LINC00632: variants seen among roughly 807,000 people sequenced by gnomAD.
LINC00632 encodes ALDOA related specific transcript.
In LINC00632 at chrX:140,784,023, A is replaced by G. The variant is rs771834042; in HGVS notation, n.12042A>G. 1.2e-5 allele frequency: 15 copies of G among 1,210,832 alleles called. 1 individual carries two copies. In the East Asian group the frequency reaches 4.4e-4, roughly 36 times the overall value. Reference sequence around the variant, plus strand: ...AAAATCCTTGTCTTCCCTTAAATCTATAGCTTCCAAAAAATCCGGGTCTTC... The same window carrying G: ...AAAATCCTTGTCTTCCCTTAAATCTGTAGCTTCCAAAAAATCCGGGTCTTC... On this transcript the variant is annotated non_coding_transcript_exon_variant, in exon 5 of 5. Transcript: ENST00000648200.
intron 3 of LINC00632, among the ~76,000 whole-genome samples, chrX:140,747,234 A>G (rs1190972631): frequency 8.9e-6 from 1 of 111,999 alleles, no homozygotes; most frequent in Non-Finnish European, 1.9e-5. Context: ...TGATGAATAA[A>G]GAATTACATC....
At chrX:140,715,742 G>A (rs886965931) in intron 2 of LINC00632, among the ~76,000 whole-genome samples, 6 of 112,126 alleles carry the variant, frequency 5.4e-5, no homozygotes, top group Non-Finnish European at 1.1e-4. Flanking sequence ...CACATAGACC[G>A]TTTTCACTGC....
chrX:140,729,621 C>A (rs895029100), intron 2 of LINC00632, among the ~76,000 whole-genome samples: 30 of 110,833 alleles, frequency 2.7e-4, no homozygotes, highest in African/African-American at 8.9e-4. Context: ...ACTACCCGAG[C>A]ACTGCATATA....
chrX:140,726,642 GA>G (rs1569349430), intron 2 of LINC00632, among the ~76,000 whole-genome samples: 1 of 110,833 alleles, frequency 9.0e-6, no homozygotes, highest in African/African-American at 3.3e-5. Context: ...ATAACATCAC[GA>G]GCTCTTCCTA....
chrX:140,715,215 G>A (rs771772878), intron 2 of LINC00632, among the ~76,000 whole-genome samples: 1 of 111,605 alleles, frequency 9.0e-6, no homozygotes, highest in Admixed American at 9.6e-5. Context: ...AACCCACAGC[G>A]TACAAACACA....
Position 140,724,998 on chromosome X carries a change from CCA to C in LINC00632, n.105-8869_105-8868del, listed in dbSNP as rs1252363400. Among the ~76,000 whole-genome samples the C allele has an allele frequency of 1.7e-3, 100 of 57,670 alleles. 1 individual carries two copies. Among genetic ancestry groups the C allele is most frequent in the Admixed American group, 4.9e-3 (24 of 4,872 alleles). 50.1% of individuals were successfully genotyped at this position (57,670 alleles called of 115,157 possible). ...TCCATTACACACACTCAGACACATT[CCA>C]CACACACACATTCATACACACACAC... On this transcript the variant is annotated intron_variant and non_coding_transcript_variant, in intron 2 of 4. Transcript: ENST00000648200.
intron 2 of LINC00632, chrX:140,712,335 T>C (rs1365952628): frequency 9.3e-6 from 1 of 107,870 alleles, no homozygotes; most frequent in Non-Finnish European, 1.9e-5. Flanking sequence ...CTATTCCTCT[T>C]AGGCGCACCT....
At chrX:140,751,709 G>A (rs2148393253) in intron 3 of LINC00632, among the ~76,000 whole-genome samples, 1 of 111,472 alleles carries the variant, frequency 9.0e-6, no homozygotes, top group African/African-American at 3.3e-5. Context: ...GGCATATTTT[G>A]CTTTTCAAAT....
At chrX:140,779,797 G>T (rs1367308077) in exon 5 of LINC00632, among the ~76,000 whole-genome samples, 1 of 111,911 alleles carries the variant, frequency 8.9e-6, no homozygotes, top group East Asian at 2.8e-4. Flanking sequence ...ACCTAGAATT[G>T]GTTCTTGACT....
intron 2 of LINC00632, among the ~76,000 whole-genome samples, chrX:140,724,397 A>G (rs908462580): frequency 4.6e-4 from 51 of 110,864 alleles, no homozygotes; most frequent in Non-Finnish European, 3.6e-4. Flanking sequence ...ACACACACAA[A>G]CACATTCCAT....
chrX:140,760,470 A>G (rs1931579501), intron 3 of LINC00632, among the ~76,000 whole-genome samples: 1 of 111,723 alleles, frequency 9.0e-6, no homozygotes, highest in Admixed American at 9.6e-5. Context: ...GTGGTAAAAC[A>G]GAAGAAATAG....
chrX:140,776,648 G>T (rs1035735000), exon 5 of LINC00632, among the ~76,000 whole-genome samples: 2 of 112,097 alleles, frequency 1.8e-5, no homozygotes, highest in Non-Finnish European at 1.9e-5. Context: ...AAGGATAGAT[G>T]CCGGAGAGGA....
chrX:140,716,184 CAACAACAG>C (rs1930624845), intron 2 of LINC00632: 1 of 111,989 alleles, frequency 8.9e-6, no homozygotes, highest in Non-Finnish European at 1.9e-5. Context: ...CTCTGGCCTA[CAACAACAG>C]AAATACAGCT....
At chrX:140,764,369 G>A (rs1236094477) in intron 3 of LINC00632, among the ~76,000 whole-genome samples, 1 of 98,482 alleles carries the variant, frequency 1.0e-5, no homozygotes, top group Non-Finnish European at 2.1e-5. Flanking sequence ...GGCGGGGGTG[G>A]GGGTGGGGGT....
Position 140,763,166 on chromosome X carries a change from C to T in LINC00632, n.192-8912C>T, listed in dbSNP as rs373580382. On this transcript the variant is annotated intron_variant and non_coding_transcript_variant, in intron 3 of 4. Transcript: ENST00000648200. ...ATCCCAGCATTTTGGGAGGCCAAGG[C>T]GGGCAGATCACCTGAGGTCAGGAGT... Among the ~76,000 whole-genome samples the T allele has an allele frequency of 2.9e-4, 32 of 111,589 alleles. 1 individual carries two copies. In the East Asian group the frequency reaches 6.8e-3, roughly 24 times the overall value.
chrX:140,756,211 T>A (rs1383009261), intron 3 of LINC00632, among the ~76,000 whole-genome samples: 4 of 112,136 alleles, frequency 3.6e-5, no homozygotes, highest in South Asian at 7.3e-4. Flanking sequence ...AAATCACTGT[T>A]TGTTTTTTAG....
In LINC00632 at chrX:140,713,599, C is replaced by T. The variant is rs757295156; in HGVS notation, n.104+1943C>T. Reference sequence around the variant, plus strand: ...TTTAATGCACACACTGACCAGATAACACAAACACATTTACCCCCACAGCAC... The same window carrying T: ...TTTAATGCACACACTGACCAGATAATACAAACACATTTACCCCCACAGCAC... On this transcript the variant is annotated intron_variant and non_coding_transcript_variant, in intron 2 of 4. Coordinates refer to ENST00000648200, the Ensembl canonical transcript of LINC00632. 9 of 340,609 alleles carry T rather than the reference C, an allele frequency of 2.6e-5. No individual in the cohort carries two copies. In the East Asian group the frequency reaches 8.8e-4, roughly 33 times the overall value. The allele number at this position is 340,609 out of a possible 1,213,427, so 28.1% of individuals were successfully genotyped here. A position where few individuals can be genotyped will look rare whatever the true frequency, so the allele number is the denominator to read the frequency against.
In LINC00632 at chrX:140,772,799, G is replaced by A. The variant is rs183153733; in HGVS notation, n.913G>A. 1.9e-4 allele frequency: 22 copies of A among 113,440 alleles called. No individual in the cohort carries two copies. In the East Asian group the frequency reaches 5.6e-3, roughly 29 times the overall value. The allele number at this position is 113,440 out of a possible 1,213,427, so 9.3% of individuals were successfully genotyped here. On this transcript the variant is annotated non_coding_transcript_exon_variant, in exon 4 of 5. Transcript: ENST00000648200. The stretch of plus-strand genomic sequence containing the variant: ...ACTTGTGGCTTCTAAAACAGAGAAG[G>A]TTGAATAGGTCTCTTTCTGTGTGTA...
At chrX:140,767,702 G>A (rs1931714987) in intron 3 of LINC00632, among the ~76,000 whole-genome samples, 1 of 111,908 alleles carries the variant, frequency 8.9e-6, no homozygotes, top group South Asian at 3.7e-4. Flanking sequence ...GAACCAATGG[G>A]ATAGCTAGCT....
Sources: allele counts gnomAD v4.1 joint callset (sites outside exome capture counted in the v4.1 genomes callset), GRCh38; gene constraint gnomAD v4.1.1; transcripts MANE v1.5; gene names NCBI Gene and HGNC (gene_info 2026-07-23, HGNC 2026-07-21).